ASTN2: variants seen among roughly 807,000 people sequenced by gnomAD.
ASTN2 encodes the protein astrotactin-2.
Under a neutral mutation model 139.8 loss-of-function variants are expected in ASTN2, and 54 were observed. That is an observed-to-expected ratio of 0.39 (90% CI 0.31 to 0.48). ASTN2 has a LOEUF of 0.48. Among genes scored for constraint, ASTN2 ranks in the 20% least tolerant of loss-of-function variants. The probability of loss-of-function intolerance (pLI) is 0.95; values close to 1 mark genes in which losing one functional copy is unlikely to be tolerated. For missense variants in ASTN2, 1,565 were observed against 1,725.1 expected (o/e 0.91, Z 1.64); for synonymous variants, 756 against 719.5 (o/e 1.05, Z -0.81).
intron 5 of ASTN2, among the ~76,000 whole-genome samples, chr9:117,089,250 C>A (rs895071323): frequency 9.2e-5 from 14 of 152,204 alleles, no homozygotes; most frequent in African/African-American, 2.9e-4. Flanking sequence ...GGTCACTAAG[C>A]TAGTTAATGG....
chr9:116,679,526 T>C (rs968988859), intron 16 of ASTN2, among the ~76,000 whole-genome samples: 2 of 152,176 alleles, frequency 1.3e-5, no homozygotes, highest in Non-Finnish European at 2.9e-5. Flanking sequence ...GTTAAATGAC[T>C]GTGTGCCACA....
chr9:117,409,305 T>A (rs1193145150), intron 1 of ASTN2, among the ~76,000 whole-genome samples: 1 of 152,170 alleles, frequency 6.6e-6, no homozygotes, highest in Non-Finnish European at 1.5e-5. Flanking sequence ...AAAATTACCA[T>A]CTGCTTTGAT....
At chr9:117,127,839 C>T (rs1829732427) in intron 4 of ASTN2, among the ~76,000 whole-genome samples, 1 of 151,768 alleles carries the variant, frequency 6.6e-6, no homozygotes, top group Admixed American at 6.6e-5. Flanking sequence ...CGCCACCACG[C>T]CCACCTAATT....
In ASTN2 at chr9:116,821,275, C is replaced by A. The variant is rs114101765; in HGVS notation, c.2041-492G>T. ...ACTGTGTGACCCGAGAAGTTACTTGCCGTCTCTGAGCCTCAATGTTCTCAT... is the reference window on the plus strand; with the variant it reads ...ACTGTGTGACCCGAGAAGTTACTTGACGTCTCTGAGCCTCAATGTTCTCAT... On this transcript the variant is annotated intron_variant, in intron 11 of 22. Coordinates refer to ENST00000313400, the MANE Select transcript of ASTN2 (RefSeq NM_001365068.1). 1.8e-3 allele frequency among the ~76,000 whole-genome samples: 279 copies of A among 152,270 alleles called. 1 individual carries two copies. Among genetic ancestry groups the A allele is most frequent in the African/African-American group, 6.5e-3 (268 of 41,524 alleles).
rs1361924812 is a variant in ASTN2, at chr9:116,425,919, T to G, written c.3952A>C (p.Lys1318Gln). The G allele has an allele frequency of 6.2e-7, 1 of 1,614,180 alleles. No individual in the cohort carries two copies. The highest frequency in any genetic ancestry group is 2.2e-5 in the East Asian group (1 of 44,866). The stretch of plus-strand genomic sequence containing the variant: ...ACCATCTTCTCCTCACACGTGATTT[T>G]GGTGTCCTTGAGGATGCTATACCAC... The part of the protein sequence containing the change: ...MVWYSILKDT[K>Q]ITCEEKMVSM... The change falls in exon 23 of 23, where the codon AAA becomes CAA. Residue 1318 changes from lysine (K) to glutamine (Q), a missense_variant. By Grantham distance (53) the Lys-to-Gln change is moderately conservative. Transcript: ENST00000313400.
chr9:117,286,997 A>T (rs1245871569), intron 2 of ASTN2, among the ~76,000 whole-genome samples: 1 of 152,220 alleles, frequency 6.6e-6, no homozygotes, highest in Non-Finnish European at 1.5e-5. Context: ...GATGGGCAAG[A>T]TGCAAAAATC....
chr9:116,666,891 A>G (rs1301389901), intron 16 of ASTN2, among the ~76,000 whole-genome samples: 1 of 151,750 alleles, frequency 6.6e-6, no homozygotes, highest in Non-Finnish European at 1.5e-5. Flanking sequence ...TTATAGATTA[A>G]AAGAACACCA....
At chr9:116,783,412 G>A (rs551628236) in intron 13 of ASTN2, among the ~76,000 whole-genome samples, 46 of 143,478 alleles carry the variant, frequency 3.2e-4, no homozygotes, top group Non-Finnish European at 5.4e-4. Context: ...GACCTACCAC[G>A]CACCAAGCCC....
At chr9:116,713,409 A>G (rs1336332184) in intron 16 of ASTN2, among the ~76,000 whole-genome samples, 3 of 152,092 alleles carry the variant, frequency 2.0e-5, no homozygotes, top group African/African-American at 4.8e-5. Context: ...CAATGTATCA[A>G]TGGTGAAGTT....
chr9:116,775,357 C>A (rs774400117), intron 13 of ASTN2, among the ~76,000 whole-genome samples: 2 of 151,334 alleles, frequency 1.3e-5, no homozygotes, highest in Non-Finnish European at 2.9e-5. Flanking sequence ...CCTCTATAGA[C>A]CAGCCCATCT....
At chr9:116,510,843 C>G (rs1039706497) in intron 19 of ASTN2, among the ~76,000 whole-genome samples, 3 of 152,204 alleles carry the variant, frequency 2.0e-5, no homozygotes, top group African/African-American at 7.2e-5. Flanking sequence ...GATTTTTGCA[C>G]ATTGATTTTG....
At chr9:116,650,639 A>G (rs191307263) in intron 17 of ASTN2, among the ~76,000 whole-genome samples, 1 of 152,314 alleles carries the variant, frequency 6.6e-6, no homozygotes, top group African/African-American at 2.4e-5. Flanking sequence ...TAATGCAAGT[A>G]TTGTACTGAG....
At chr9:117,296,480 G>A (rs3930626) in intron 1 of ASTN2, among the ~76,000 whole-genome samples, 1 of 151,710 alleles carries the variant, frequency 6.6e-6, no homozygotes. Context: ...ACCAGTTCTT[G>A]AGATTCTCTG....
At chr9:116,772,665 A>G (rs990291275) in intron 13 of ASTN2, among the ~76,000 whole-genome samples, 10 of 152,126 alleles carry the variant, frequency 6.6e-5, no homozygotes, top group African/African-American at 2.2e-4. Flanking sequence ...GAGGTTCACT[A>G]TGGGTTACAA....
At chr9:117,365,333 GAA>G (rs1587984008) in intron 1 of ASTN2, among the ~76,000 whole-genome samples, 1 of 150,838 alleles carries the variant, frequency 6.6e-6, no homozygotes, top group African/African-American at 2.5e-5. Context: ...AAGAAAGAAA[GAA>G]AGAGAGAAAA....
intron 3 of ASTN2, among the ~76,000 whole-genome samples, chr9:117,160,033 A>ACTC (rs1830512899): frequency 6.6e-6 from 1 of 151,942 alleles, no homozygotes; most frequent in South Asian, 2.1e-4. Flanking sequence ...CAAGAAGGAT[A>ACTC]CTCCACTATG....
intron 11 of ASTN2, among the ~76,000 whole-genome samples, chr9:116,847,009 AAAAAAAAAAAAAAAAAAC>A (rs2132315373): frequency 1.6e-5 from 1 of 63,070 alleles, no homozygotes; most frequent in South Asian, 4.1e-4. Flanking sequence ...TTCATTCTCA[AAAAAAAAAAAAAAAAAAC>A]AAAAAACAAA....
chr9:117,178,376 G>C (rs1023625547), intron 3 of ASTN2, among the ~76,000 whole-genome samples: 2 of 152,196 alleles, frequency 1.3e-5, no homozygotes, highest in African/African-American at 4.8e-5. Context: ...GAGATGGGTA[G>C]GGAAGTGAGT....
At position 116,424,046 on chromosome 9, in the gene ASTN2, C is replaced by T. The variant is rs1278505889; in HGVS notation, c.*1805G>A. ...GTGTCATCTTTGCATTATGATATAC[C>T]TGACCTACATCCCATCTGCTCAAGC... is the stretch of plus-strand genomic sequence containing the variant. On this transcript the variant is annotated 3_prime_UTR_variant, in exon 23 of 23. Coordinates refer to ENST00000313400, the MANE Select transcript of ASTN2 (RefSeq NM_001365068.1). Among the ~76,000 whole-genome samples the T allele has an allele frequency of 1.3e-5, 2 of 152,176 alleles. No individual in the cohort carries two copies. Among genetic ancestry groups the T allele is most frequent in the African/African-American group, 4.8e-5 (2 of 41,426 alleles).
Sources: gnomAD v4.1 joint callset for allele counts (sites outside exome capture counted in the v4.1 genomes callset) on GRCh38, gnomAD v4.1.1 for gene constraint, MANE v1.5 for transcripts, NCBI Gene and HGNC (gene_info 2026-07-23, HGNC 2026-07-21) for gene names.